PCSK6: variants seen among roughly 807,000 people sequenced by gnomAD.
PCSK6 encodes proprotein convertase subtilisin/kexin type 6.
Under a neutral mutation model 123.3 loss-of-function variants are expected in PCSK6, and 85 were observed. The observed-to-expected ratio is 0.69, with a 90% CI of 0.58 to 0.83. The LOEUF is 0.83. Among genes scored for constraint, PCSK6 ranks in the 40% least tolerant of loss-of-function variants. The pLI is 0.00. For synonymous variants in PCSK6, 508 were observed against 516.0 expected (o/e 0.98, Z 0.21); for missense variants, 1,191 against 1,282.3 (o/e 0.93, Z 1.09).
chr15:101,436,559 G>A (rs930820818), intron 2 of PCSK6, among the ~76,000 whole-genome samples: 1 of 152,316 alleles, frequency 6.6e-6, no homozygotes, highest in Admixed American at 6.5e-5. Context: ...GGGAGTCGGA[G>A]GCCATACCTC....
chr15:101,328,511 T>C (rs1437316089), intron 15 of PCSK6, among the ~76,000 whole-genome samples: 2 of 152,106 alleles, frequency 1.3e-5, no homozygotes, highest in African/African-American at 2.4e-5. Context: ...CCTCACCATC[T>C]CCAGACAGAA....
intron 6 of PCSK6, among the ~76,000 whole-genome samples, chr15:101,419,208 C>G (rs1325662246): frequency 6.6e-6 from 1 of 151,654 alleles, no homozygotes; most frequent in Non-Finnish European, 1.5e-5. Flanking sequence ...CCAAGAGAAT[C>G]CAACGGAAAA....
chr15:101,357,433 T>C (rs2041075319), intron 13 of PCSK6, among the ~76,000 whole-genome samples: 1 of 152,196 alleles, frequency 6.6e-6, no homozygotes, highest in Admixed American at 6.5e-5. Flanking sequence ...TTTCCCGGCC[T>C]CTAGAGCTCT....
chr15:101,362,514 G>A (rs936054705), intron 13 of PCSK6, among the ~76,000 whole-genome samples: 14 of 152,284 alleles, frequency 9.2e-5, no homozygotes, highest in Middle Eastern at 3.4e-3. Context: ...GGGTATGTGC[G>A]AGAGGATCAG....
chr15:101,415,654 A>T (rs1447710841), intron 6 of PCSK6, among the ~76,000 whole-genome samples: 1 of 152,198 alleles, frequency 6.6e-6, no homozygotes, highest in African/African-American at 2.4e-5. Flanking sequence ...CCCCACCCAA[A>T]TCTCAACTAG....
intron 1 of PCSK6, among the ~76,000 whole-genome samples, chr15:101,476,009 T>C (rs1007289568): frequency 2.5e-4 from 38 of 152,320 alleles, no homozygotes; most frequent in African/African-American, 7.9e-4. Context: ...CACACATACA[T>C]TGACTCAGCA....
intron 14 of PCSK6, 78 bp from the exon 15 acceptor site, chr15:101,331,767 AG>A: frequency 6.3e-7 from 1 of 1,598,378 alleles, no homozygotes. Context: ...CACCTTTGCC[AG>A]GAGCAGCCCT....
intron 18 of PCSK6, among the ~76,000 whole-genome samples, chr15:101,322,089 G>C (rs1266518770): frequency 1.3e-5 from 2 of 152,180 alleles, no homozygotes; most frequent in Admixed American, 6.5e-5. Flanking sequence ...GGAACGTAAA[G>C]AGCACCCTCA....
chr15:101,443,162 A>G (rs2056800033), intron 2 of PCSK6, among the ~76,000 whole-genome samples: 1 of 152,224 alleles, frequency 6.6e-6, no homozygotes, highest in Non-Finnish European at 1.5e-5. Flanking sequence ...ATCTTTGAGG[A>G]AAAAAAGTCA....
At chr15:101,439,221 G>A (rs1453426995) in intron 2 of PCSK6, among the ~76,000 whole-genome samples, 5 of 152,256 alleles carry the variant, frequency 3.3e-5, no homozygotes, top group African/African-American at 7.2e-5. Flanking sequence ...AGTGGAATGC[G>A]GATGAGCGCT....
intron 13 of PCSK6, among the ~76,000 whole-genome samples, chr15:101,354,382 T>A (rs2040981868): frequency 6.6e-6 from 1 of 152,192 alleles, no homozygotes. Context: ...CACACTCCCA[T>A]ACACACGTCC....
Position 101,412,691 on chromosome 15 carries a change from T to TTATATATATATATATATA in PCSK6, c.824-14133_824-14116dup, listed in dbSNP as rs149902723. ...ACAGAAGAAAGAGTGAACTGGAAAA[T>TTATATATATATATATATA]TATATATATATATATATATATAAAA... On this transcript the variant is annotated intron_variant, in intron 6 of 21. Coordinates refer to ENST00000611716, the MANE Select transcript of PCSK6 (RefSeq NM_002570.5). 1.4e-3 allele frequency among the ~76,000 whole-genome samples: 179 copies of TTATATATATATATATATA among 124,678 alleles called. 6 individuals carry two copies. Among genetic ancestry groups the TTATATATATATATATATA allele is most frequent in the African/African-American group, 5.5e-3 (160 of 28,892 alleles). The allele number at this position is 124,678 out of a possible 152,430, so 81.8% of individuals were successfully genotyped here.
At chr15:101,410,326 GC>G (rs963578633) in intron 6 of PCSK6, among the ~76,000 whole-genome samples, 17 of 152,324 alleles carry the variant, frequency 1.1e-4, no homozygotes, top group African/African-American at 4.1e-4. Flanking sequence ...AGTGGAGGCA[GC>G]CAAGTCTGGA....
intron 19 of PCSK6, among the ~76,000 whole-genome samples, chr15:101,316,908 C>CTTTTTTTTTTTT (rs2040001564): frequency 1.6e-4 from 15 of 91,666 alleles, no homozygotes; most frequent in African/African-American, 1.3e-3. Context: ...AGACTTAATT[C>CTTTTTTTTTTTT]TGTTTTTTTT....
chr15:101,324,252 G>A (rs2040196795), intron 17 of PCSK6, among the ~76,000 whole-genome samples: 2 of 152,160 alleles, frequency 1.3e-5, no homozygotes, highest in South Asian at 2.1e-4. Context: ...CATCCCTTCC[G>A]AGCCCAACTG....
At chr15:101,431,489 C>A in intron 3 of PCSK6, 26 bp from the exon 4 acceptor site, 2 of 1,612,966 alleles carry the variant, frequency 1.2e-6, no homozygotes, top group Non-Finnish European at 1.7e-6. Context: ...ACACAAAGTC[C>A]CCCCGACATG....
intron 13 of PCSK6, among the ~76,000 whole-genome samples, chr15:101,343,756 C>T (rs2040670819): frequency 6.6e-6 from 1 of 152,164 alleles, no homozygotes; most frequent in Non-Finnish European, 1.5e-5. Context: ...AATGGCTCGA[C>T]ATGTGGCCAA....
intron 1 of PCSK6, among the ~76,000 whole-genome samples, chr15:101,469,175 T>C (rs928578527): frequency 1.3e-5 from 2 of 152,104 alleles, no homozygotes; most frequent in African/African-American, 4.8e-5. Flanking sequence ...GCCCTCCCAT[T>C]CTAGAAGAGC....
chr15:101,315,971 C>T (rs960528352), intron 19 of PCSK6, among the ~76,000 whole-genome samples: 16 of 152,358 alleles, frequency 1.1e-4, no homozygotes, highest in Non-Finnish European at 2.4e-4. Flanking sequence ...TCCGCCATGC[C>T]CTACCCCAAG....
Sources: allele counts gnomAD v4.1 joint callset (sites outside exome capture counted in the v4.1 genomes callset), GRCh38; gene constraint gnomAD v4.1.1; transcripts MANE v1.5; gene names NCBI Gene and HGNC (gene_info 2026-07-23, HGNC 2026-07-21).